TMEM163: variants seen among roughly 807,000 people sequenced by gnomAD.
TMEM163 encodes the protein transmembrane protein 163.
In TMEM163, 17 loss-of-function variants were observed where a neutral mutation model predicts 29.3. That is an observed-to-expected ratio of 0.58 (90% CI 0.40 to 0.87). The LOEUF (loss-of-function observed/expected upper bound fraction) is 0.87. TMEM163 is among the 40% of genes least tolerant of loss of function. The pLI, the probability that TMEM163 is intolerant of heterozygous loss-of-function variation, is 0.00. For missense variants in TMEM163, 303 were observed against 381.5 expected (o/e 0.79, Z 1.71); for synonymous variants, 157 against 160.6 (o/e 0.98, Z 0.17).
chr2:134,674,927 C>T, intron 2 of TMEM163, among the ~76,000 whole-genome samples: 1 of 152,224 alleles, frequency 6.6e-6, no homozygotes, highest in East Asian at 1.9e-4. Context: ...TTATGTCACC[C>T]TCTTCATGTT....
intron 2 of TMEM163, among the ~76,000 whole-genome samples, chr2:134,671,884 T>C (rs1348279984): frequency 3.9e-5 from 6 of 152,188 alleles, no homozygotes; most frequent in African/African-American, 1.4e-4. Flanking sequence ...TAAAATGGGA[T>C]GATAAAAGCA....
At position 134,516,714 on chromosome 2, in the gene TMEM163, T is replaced by TGC. The variant is rs1553476302; in HGVS notation, c.459-13718_459-13717insGC. ...ATATATGCATATATTCATATATACA[T>TGC]ATATATTCATATATATGCATATATA... On this transcript the variant is annotated intron_variant, in intron 4 of 7. Transcript: ENST00000281924. Among the ~76,000 whole-genome samples, 86 of 112,646 alleles carry TGC rather than the reference T, an allele frequency of 7.6e-4. 1 individual carries two copies. The Middle Eastern group carries it at 0.018, about 24-fold the overall frequency. 73.9% of individuals were successfully genotyped at this position (112,646 alleles called of 152,430 possible).
chr2:134,707,316 G>T (rs1684836672), intron 2 of TMEM163, among the ~76,000 whole-genome samples: 1 of 152,192 alleles, frequency 6.6e-6, no homozygotes, highest in South Asian at 2.1e-4. Context: ...CAGAAGTGTA[G>T]GCAGGCACCA....
intron 2 of TMEM163, among the ~76,000 whole-genome samples, chr2:134,625,029 AC>A (rs1377234383): frequency 6.6e-6 from 1 of 152,236 alleles, no homozygotes; most frequent in Non-Finnish European, 1.5e-5. Context: ...CTAGTATATT[AC>A]ATTTTAACAA....
intron 2 of TMEM163, among the ~76,000 whole-genome samples, chr2:134,691,775 G>C (rs1684474920): frequency 6.6e-6 from 1 of 152,200 alleles, no homozygotes; most frequent in Non-Finnish European, 1.5e-5. Flanking sequence ...CCAATGAACA[G>C]TCTCCTCAGC....
At chr2:134,689,757 CT>C (rs1301820969) in intron 2 of TMEM163, among the ~76,000 whole-genome samples, 2 of 152,190 alleles carry the variant, frequency 1.3e-5, no homozygotes, top group Non-Finnish European at 2.9e-5. Context: ...AATGTTATGG[CT>C]TCCTAAATTT....
chr2:134,489,575 C>CTCA (rs1679384478), intron 5 of TMEM163, among the ~76,000 whole-genome samples: 1 of 130,042 alleles, frequency 7.7e-6, no homozygotes, highest in South Asian at 2.4e-4. Context: ...GACTCTCTCT[C>CTCA]AAAAAAAAAA....
intron 6 of TMEM163, among the ~76,000 whole-genome samples, chr2:134,463,831 T>TA (rs1323657515): frequency 1.3e-5 from 2 of 152,178 alleles, no homozygotes; most frequent in Non-Finnish European, 2.9e-5. Context: ...GATCCGGTGT[T>TA]ACTGCAACTT....
chr2:134,566,310 T>C (rs1011627115), intron 2 of TMEM163, among the ~76,000 whole-genome samples: 1 of 152,180 alleles, frequency 6.6e-6, no homozygotes, highest in African/African-American at 2.4e-5. Flanking sequence ...CTCACGCCTG[T>C]AATCTCATTT....
intron 5 of TMEM163, among the ~76,000 whole-genome samples, chr2:134,483,667 C>T (rs1679253209): frequency 6.6e-6 from 1 of 152,208 alleles, no homozygotes; most frequent in African/African-American, 2.4e-5. Context: ...CTTAAGATCA[C>T]CCAGCTAGTC....
At chr2:134,685,394 T>C (rs967716126) in intron 2 of TMEM163, among the ~76,000 whole-genome samples, 4 of 152,202 alleles carry the variant, frequency 2.6e-5, no homozygotes, top group Admixed American at 1.3e-4. Context: ...AAACCAATAA[T>C]TGGATCTGTA....
intron 2 of TMEM163, among the ~76,000 whole-genome samples, chr2:134,576,674 C>T (rs1334862854): frequency 1.3e-5 from 2 of 152,152 alleles, no homozygotes; most frequent in African/African-American, 4.8e-5. Flanking sequence ...GGTTAAGGGC[C>T]AGCAGGGGTC....
chr2:134,548,376 C>A (rs1013852907), intron 4 of TMEM163, among the ~76,000 whole-genome samples: 4 of 152,208 alleles, frequency 2.6e-5, no homozygotes, highest in African/African-American at 7.2e-5. Context: ...TCAGTTCAGA[C>A]AAGCCACATA....
chr2:134,564,238 GT>G (rs1168127823), intron 2 of TMEM163, among the ~76,000 whole-genome samples: 2 of 152,152 alleles, frequency 1.3e-5, no homozygotes, highest in African/African-American at 4.8e-5. Flanking sequence ...CACAGATATG[GT>G]TACTTGATTT....
chr2:134,505,926 G>A (rs892476866), intron 4 of TMEM163, among the ~76,000 whole-genome samples: 3 of 152,170 alleles, frequency 2.0e-5, no homozygotes, highest in African/African-American at 7.2e-5. Flanking sequence ...TCCTCATGCA[G>A]TAGAGTGGAT....
intron 2 of TMEM163, among the ~76,000 whole-genome samples, chr2:134,553,371 G>A (rs1324993838): frequency 2.6e-5 from 4 of 152,196 alleles, no homozygotes; most frequent in African/African-American, 9.7e-5. Context: ...TACAAGGAGG[G>A]CACCTGATCC....
intron 2 of TMEM163, among the ~76,000 whole-genome samples, chr2:134,702,572 A>C (rs1267510288): frequency 1.3e-5 from 2 of 152,030 alleles, no homozygotes; most frequent in Admixed American, 1.3e-4. Context: ...CTAAGCCTGG[A>C]AGGTCAAGGC....
chr2:134,472,897 T>C (rs2106476808), intron 5 of TMEM163, among the ~76,000 whole-genome samples: 1 of 152,326 alleles, frequency 6.6e-6, no homozygotes, highest in African/African-American at 2.4e-5. Flanking sequence ...GACAATGGGA[T>C]TAAACTAGAA....
intron 4 of TMEM163, among the ~76,000 whole-genome samples, chr2:134,534,805 A>G (rs1397847987): frequency 6.6e-6 from 1 of 152,178 alleles, no homozygotes; most frequent in Non-Finnish European, 1.5e-5. Flanking sequence ...TTCTACTTAG[A>G]AAAGGCCGTA....
Sources: gnomAD v4.1 joint callset for allele counts (sites outside exome capture counted in the v4.1 genomes callset) on GRCh38, gnomAD v4.1.1 for gene constraint, MANE v1.5 for transcripts, NCBI Gene and HGNC (gene_info 2026-07-23, HGNC 2026-07-21) for gene names.